MYO10: variants seen among roughly 807,000 people sequenced by gnomAD.
MYO10 encodes unconventional myosin-X.
Under a neutral mutation model 257.3 loss-of-function variants are expected in MYO10, and 133 were observed. The ratio of observed to expected loss-of-function variants is 0.52; its 90% CI spans 0.45 to 0.60. The LOEUF (loss-of-function observed/expected upper bound fraction) is 0.60. MYO10 is among the 20% of genes least tolerant of loss of function. The pLI, the probability that MYO10 is intolerant of heterozygous loss-of-function variation, is 0.00. For synonymous variants in MYO10, 1,104 were observed against 1,028.6 expected, an observed-to-expected ratio of 1.07 and a Z score of -1.40; for missense variants, 2,399 against 2,635.7, an observed-to-expected ratio of 0.91 and a Z score of 1.97.
chr5:16,927,515 G>A (rs910643525), intron 1 of MYO10, among the ~76,000 whole-genome samples: 1 of 152,006 alleles, frequency 6.6e-6, no homozygotes, highest in African/African-American at 2.4e-5. Flanking sequence ...TAGTAGAGAC[G>A]GGGTTTCACC....
At position 16,777,838 on chromosome 5, in the gene MYO10, A is replaced by AC. The variant is rs1302971476; in HGVS notation, c.930+1706dup. Among the ~76,000 whole-genome samples the AC allele has an allele frequency of 1.1e-3, 107 of 94,958 alleles. 5 individuals carry two copies. The highest frequency in any genetic ancestry group is 5.1e-3 in the African/African-American group (93 of 18,316). The allele number at this position is 94,958 out of a possible 152,430, so 62.3% of individuals were successfully genotyped here. A position where few individuals can be genotyped will look rare whatever the true frequency, so the allele number is the denominator to read the frequency against. On this transcript the variant is annotated intron_variant, in intron 9 of 40. Coordinates refer to ENST00000513610, the MANE Select transcript of MYO10 (RefSeq NM_012334.3). Reference sequence around the variant, plus strand: ...CGCCACCCTAGGTGCATTGCATCTAACTTTTTTTTTTTTTTTTTTTTTTTT... The same window carrying AC: ...CGCCACCCTAGGTGCATTGCATCTAACCTTTTTTTTTTTTTTTTTTTTTTTT...
At position 16,694,494 on chromosome 5, in the gene MYO10, G is replaced by A; in HGVS notation, c.3677C>T (p.Ser1226Phe). 6.2e-7 allele frequency: 1 copy of A among 1,614,006 alleles called. No individual in the cohort carries two copies. The highest frequency in any genetic ancestry group is 8.5e-7 in the Non-Finnish European group (1 of 1,179,892). Reference protein sequence around the residue: ...QGWLHKKGGGSSTLSRRNWKK... With the variant: ...QGWLHKKGGGFSTLSRRNWKK... The stretch of plus-strand genomic sequence containing the variant: ...CCAATTTCTCCTGGACAGCGTGGAG[G>A]AGCCCCCCCCTTTTTTGTGGAGCCA... The change falls in exon 27 of 41, where the codon TCC becomes TTC. Residue 1226 changes from serine (S) to phenylalanine (F), a missense_variant. Physicochemically the swap from Ser to Phe is radical, Grantham distance 155. Transcript: ENST00000513610.
intron 2 of MYO10, among the ~76,000 whole-genome samples, chr5:16,846,047 G>A (rs1456594603): frequency 6.6e-6 from 1 of 152,098 alleles, no homozygotes; most frequent in Non-Finnish European, 1.5e-5. Context: ...CTCTATGTTG[G>A]TCTCCTATAA....
chr5:16,666,918 A>G, intron 40 of MYO10, 125 bp from the exon 41 acceptor site: 1 of 701,702 alleles, frequency 1.4e-6, no homozygotes, highest in Non-Finnish European at 2.3e-6. Flanking sequence ...GACGGATCCC[A>G]TTTTGCAGGA....
intron 1 of MYO10, among the ~76,000 whole-genome samples, chr5:16,915,358 C>T (rs992100653): frequency 6.6e-6 from 1 of 152,168 alleles, no homozygotes; most frequent in Non-Finnish European, 1.5e-5. Flanking sequence ...CTCAGCACAG[C>T]AAATGGCACC....
At chr5:16,927,937 T>G (rs890721377) in intron 1 of MYO10, among the ~76,000 whole-genome samples, 2 of 152,210 alleles carry the variant, frequency 1.3e-5, no homozygotes, top group Non-Finnish European at 2.9e-5. Flanking sequence ...AGGAATGCTC[T>G]TGGGAAAACG....
intron 2 of MYO10, among the ~76,000 whole-genome samples, chr5:16,846,210 C>T (rs1561015255): frequency 6.6e-6 from 1 of 152,190 alleles, no homozygotes; most frequent in Non-Finnish European, 1.5e-5. Context: ...AACAGAAAGA[C>T]AAGCTATTGG....
At chr5:16,779,463 C>T (rs573397627) in intron 9 of MYO10, 82 bp downstream of exon 9, 1 of 785,316 alleles carries the variant, frequency 1.3e-6, no homozygotes, top group Admixed American at 3.5e-5. Flanking sequence ...TTAAAAAAAT[C>T]TTTTGAAACC....
At chr5:16,844,177 C>A (rs2126729489) in intron 2 of MYO10, among the ~76,000 whole-genome samples, 1 of 152,292 alleles carries the variant, frequency 6.6e-6, no homozygotes, top group African/African-American at 2.4e-5. Flanking sequence ...TAAACTGATT[C>A]TCTCAAATCA....
intron 19 of MYO10, among the ~76,000 whole-genome samples, chr5:16,721,009 A>C (rs1739134597): frequency 6.6e-6 from 1 of 152,166 alleles, no homozygotes; most frequent in African/African-American, 2.4e-5. Context: ...TATTAGGTAT[A>C]TTTGTATTTG....
At chr5:16,880,704 T>C (rs146233150) in intron 1 of MYO10, among the ~76,000 whole-genome samples, 1 of 152,248 alleles carries the variant, frequency 6.6e-6, no homozygotes, top group East Asian at 1.9e-4. Flanking sequence ...CACCCCCTAC[T>C]CTTGCTTCAG....
chr5:16,703,787 C>A (rs1055639190), intron 22 of MYO10, among the ~76,000 whole-genome samples: 1 of 147,692 alleles, frequency 6.8e-6, no homozygotes, highest in South Asian at 2.1e-4. Context: ...GAGGCTGAGG[C>A]AGGAGAATCA....
intron 2 of MYO10, among the ~76,000 whole-genome samples, chr5:16,825,204 G>C (rs1472504890): frequency 1.3e-5 from 2 of 151,964 alleles, no homozygotes; most frequent in Admixed American, 6.6e-5. Context: ...CTCCTCCTTG[G>C]GGTCTCAGCT....
intron 1 of MYO10, among the ~76,000 whole-genome samples, chr5:16,923,403 C>T (rs1160753422): frequency 6.6e-6 from 1 of 151,946 alleles, no homozygotes; most frequent in Non-Finnish European, 1.5e-5. Flanking sequence ...TCTCCTGCCT[C>T]AGCCTCCCAA....
At chr5:16,758,411 A>C (rs1444330513) in intron 17 of MYO10, among the ~76,000 whole-genome samples, 185 bp from the exon 18 acceptor site, 1 of 152,216 alleles carries the variant, frequency 6.6e-6, no homozygotes, top group African/African-American at 2.4e-5. Context: ...GGCACTGAAA[A>C]CACGTGGCAG....
At chr5:16,685,695 G>A in intron 29 of MYO10, 43 bp downstream of exon 29, 1 of 1,028,084 alleles carries the variant, frequency 9.7e-7, no homozygotes, top group Non-Finnish European at 1.4e-6. Context: ...CCCCGTCCCT[G>A]CCCCTAGACG....
chr5:16,798,601 C>T lies in MYO10; in HGVS notation c.280-3768G>A, dbSNP rs1742033308. ...CTGCAGAGGTGAGGGAGCAGGCAGACAATACTTGAGGCTGTGAGTGCCTGG... is the reference window on the plus strand; with the variant it reads ...CTGCAGAGGTGAGGGAGCAGGCAGATAATACTTGAGGCTGTGAGTGCCTGG... On this transcript the variant is annotated intron_variant, in intron 3 of 40. Coordinates refer to ENST00000513610, the MANE Select transcript of MYO10 (RefSeq NM_012334.3). Among the ~76,000 whole-genome samples the T allele has an allele frequency of 2.6e-5, 4 of 152,182 alleles. No individual in the cohort carries two copies. In the South Asian group the frequency reaches 8.3e-4, roughly 32 times the overall value.
At chr5:16,822,803 T>G (rs1273117637) in intron 2 of MYO10, among the ~76,000 whole-genome samples, 1 of 151,888 alleles carries the variant, frequency 6.6e-6, no homozygotes, top group South Asian at 2.1e-4. Flanking sequence ...TTCTCCTGCC[T>G]CAGCCTCCCG....
At chr5:16,880,301 C>A (rs1370538563) in intron 1 of MYO10, among the ~76,000 whole-genome samples, 5 of 151,966 alleles carry the variant, frequency 3.3e-5, no homozygotes, top group African/African-American at 9.7e-5. Context: ...CAACAGGAAT[C>A]CCCAGAAGGA....
Sources: gnomAD v4.1 joint callset for allele counts (sites outside exome capture counted in the v4.1 genomes callset) on GRCh38, gnomAD v4.1.1 for gene constraint, MANE v1.5 for transcripts, NCBI Gene and HGNC (gene_info 2026-07-23, HGNC 2026-07-21) for gene names.